ASIC2: variants seen among roughly 807,000 people sequenced by gnomAD.
ASIC2 encodes acid sensing ion channel subunit 2.
ASIC2 carries 25 observed loss-of-function variants against 57.3 expected under a neutral mutation model. The ratio of observed to expected loss-of-function variants is 0.44; its 90% CI spans 0.32 to 0.61. ASIC2 has a LOEUF of 0.61. Among genes scored for constraint, ASIC2 ranks in the 20% least tolerant of loss-of-function variants. The pLI, the probability that ASIC2 is intolerant of heterozygous loss-of-function variation, is 0.06. For synonymous variants in ASIC2, 319 were observed against 307.5 expected (o/e 1.04, Z -0.39); for missense variants, 641 against 738.1 (o/e 0.87, Z 1.52).
chr17:33,192,434 CAAAACAAAACAAAACAA>C lies in ASIC2; in HGVS notation c.709-80384_709-80368del, dbSNP rs1475916914. Among the ~76,000 whole-genome samples, 636 of 145,668 alleles carry C rather than the reference CAAAACAAAACAAAACAA, an allele frequency of 4.4e-3. 4 individuals carry two copies. Among genetic ancestry groups the C allele is most frequent in the East Asian group, 9.0e-3 (46 of 5,130 alleles). ...CAAAACAAAACAAAACAAAACAAAA[CAAAACAAAACAAAACAA>C]AACACAACCAAAAAAACCAAGACAG... On this transcript the variant is annotated intron_variant, in intron 1 of 9. Transcript: ENST00000225823.
intron 1 of ASIC2, among the ~76,000 whole-genome samples, chr17:33,908,248 C>G (rs1915392040): frequency 6.6e-6 from 1 of 152,242 alleles, no homozygotes; most frequent in Non-Finnish European, 1.5e-5. Context: ...GCCCCCTACT[C>G]TGATGCTGAC....
chr17:33,301,071 C>T (rs925587831), intron 1 of ASIC2, among the ~76,000 whole-genome samples: 1 of 151,954 alleles, frequency 6.6e-6, no homozygotes, highest in Non-Finnish European at 1.5e-5. Context: ...CTCTGTTGCC[C>T]AGGCGGGAGT....
intron 1 of ASIC2, among the ~76,000 whole-genome samples, chr17:33,613,028 G>T (rs1905463385): frequency 6.6e-6 from 1 of 152,182 alleles, no homozygotes; most frequent in Non-Finnish European, 1.5e-5. Context: ...CATTTCTGGT[G>T]CTTGGCTCCA....
chr17:33,412,996 C>A (rs775998582), intron 1 of ASIC2, among the ~76,000 whole-genome samples: 6 of 152,182 alleles, frequency 3.9e-5, no homozygotes, highest in Non-Finnish European at 8.8e-5. Flanking sequence ...TGTGCTCTTA[C>A]TTGTTCCCAA....
At chr17:33,625,170 TCTATCATCTATTATC>T (rs1905940299) in intron 1 of ASIC2, among the ~76,000 whole-genome samples, 1 of 152,060 alleles carries the variant, frequency 6.6e-6, no homozygotes, top group Non-Finnish European at 1.5e-5. Flanking sequence ...TATCTATCTA[TCTATCATCTATTATC>T]TATCTATTAT....
At chr17:33,572,592 A>C (rs1829331540) in intron 1 of ASIC2, among the ~76,000 whole-genome samples, 1 of 152,146 alleles carries the variant, frequency 6.6e-6, no homozygotes, top group Non-Finnish European at 1.5e-5. Flanking sequence ...CTGAAACTGA[A>C]GGTGGTGAGC....
At chr17:33,035,778 T>C (rs565728288) in intron 3 of ASIC2, among the ~76,000 whole-genome samples, 1 of 152,332 alleles carries the variant, frequency 6.6e-6, no homozygotes, top group East Asian at 1.9e-4. Context: ...CTTTTTAGAC[T>C]CTCTCCCTAT....
chr17:33,715,280 G>T (rs1395980954), intron 1 of ASIC2, among the ~76,000 whole-genome samples: 1 of 152,156 alleles, frequency 6.6e-6, no homozygotes, highest in Non-Finnish European at 1.5e-5. Context: ...AGGATTACAA[G>T]CATCAGCCAC....
intron 1 of ASIC2, among the ~76,000 whole-genome samples, chr17:33,388,391 C>A (rs886556767): frequency 6.6e-5 from 10 of 152,194 alleles, no homozygotes; most frequent in African/African-American, 2.4e-4. Flanking sequence ...TGAGAATGGG[C>A]CCAGGACTGC....
At chr17:33,459,256 G>C (rs1912555523) in intron 1 of ASIC2, among the ~76,000 whole-genome samples, 1 of 152,044 alleles carries the variant, frequency 6.6e-6, no homozygotes, top group Non-Finnish European at 1.5e-5. Flanking sequence ...GGGTCGGTCT[G>C]TGCTCTTGCT....
At chr17:33,886,652 T>C (rs896936791) in intron 1 of ASIC2, among the ~76,000 whole-genome samples, 2 of 152,144 alleles carry the variant, frequency 1.3e-5, no homozygotes, top group African/African-American at 2.4e-5. Flanking sequence ...GACTTGGGTC[T>C]AAGTCACTCC....
At chr17:33,605,013 TTC>T (rs5820054) in intron 1 of ASIC2, among the ~76,000 whole-genome samples, 3,396 of 147,156 alleles carry the variant, frequency 0.023, 59 homozygotes, top group East Asian at 0.072. Flanking sequence ...TATTACTTCA[TTC>T]TCTCTCTCTC....
At chr17:33,631,564 TG>T (rs1217746426) in intron 1 of ASIC2, among the ~76,000 whole-genome samples, 1 of 152,084 alleles carries the variant, frequency 6.6e-6, no homozygotes, top group Non-Finnish European at 1.5e-5. Context: ...CACTGCAAAA[TG>T]TTGCCGGGAA....
At chr17:33,346,182 G>T (rs1422371289) in intron 1 of ASIC2, among the ~76,000 whole-genome samples, 1 of 124,932 alleles carries the variant, frequency 8.0e-6, no homozygotes, top group Non-Finnish European at 1.6e-5. Flanking sequence ...AACCGAGATT[G>T]TGCCACTGCA....
rs1033932130 is a variant in ASIC2, at chr17:33,623,911, G to T, written c.556-511844C>A. On this transcript the variant is annotated intron_variant, in intron 1 of 9. Coordinates refer to the ASIC2 transcript ENST00000359872. ...ACCTTCCCATCTGTCACCCTCCTCT[G>T]CCTTCTCTCTCTGGTGTCAGACGCA... Among the ~76,000 whole-genome samples, 5 of 152,212 alleles carry T rather than the reference G, an allele frequency of 3.3e-5. No individual in the cohort carries two copies. In the South Asian group the frequency reaches 1.0e-3, roughly 32 times the overall value.
In ASIC2 at chr17:33,312,634, C is replaced by T. The variant is rs116988676; in HGVS notation, c.556-200567G>A. On this transcript the variant is annotated intron_variant, in intron 1 of 9. Coordinates refer to the ASIC2 transcript ENST00000359872. Reference sequence around the variant, plus strand: ...GAAGTAAATATATCCATAAAGATCACCAAGAAAGAGTCAGTGTGGGCCAGG... The same window carrying T: ...GAAGTAAATATATCCATAAAGATCATCAAGAAAGAGTCAGTGTGGGCCAGG... Among the ~76,000 whole-genome samples, 1,365 of 152,244 alleles carry T rather than the reference C, an allele frequency of 9.0e-3. 23 individuals carry two copies. Among genetic ancestry groups the T allele is most frequent in the Middle Eastern group, 0.01 (3 of 294 alleles).
intron 1 of ASIC2, among the ~76,000 whole-genome samples, chr17:33,788,839 G>C (rs1193366064): frequency 2.6e-5 from 4 of 152,116 alleles, no homozygotes; most frequent in Non-Finnish European, 5.9e-5. Flanking sequence ...CTCATAAGTG[G>C]GAAGTGAACA....
At chr17:33,413,974 G>A (rs552457910) in intron 1 of ASIC2, among the ~76,000 whole-genome samples, 112 of 152,294 alleles carry the variant, frequency 7.4e-4, no homozygotes, top group African/African-American at 2.6e-3. Flanking sequence ...CTTGGGGAAG[G>A]CAGGCAAGTT....
chr17:33,700,202 G>C (rs1908654007), intron 1 of ASIC2, among the ~76,000 whole-genome samples: 1 of 152,002 alleles, frequency 6.6e-6, no homozygotes, highest in East Asian at 1.9e-4. Flanking sequence ...TAAATGGTTA[G>C]AATAGAAATA....
Sources: allele counts gnomAD v4.1 joint callset (sites outside exome capture counted in the v4.1 genomes callset), GRCh38; gene constraint gnomAD v4.1.1; transcripts MANE v1.5; gene names NCBI Gene and HGNC (gene_info 2026-07-23, HGNC 2026-07-21).